EFCAB13: variants seen among roughly 807,000 people sequenced by gnomAD.
EFCAB13 encodes EF-hand calcium-binding domain-containing protein 13.
A neutral mutation model predicts 110.2 loss-of-function variants in EFCAB13; 91 were observed. That is an observed-to-expected ratio of 0.83 (90% CI 0.70 to 0.98). The LOEUF is 0.98. Ranked by LOEUF, EFCAB13 falls within the 50% of genes least tolerant of loss-of-function variation. The probability of loss-of-function intolerance (pLI) is 0.00; values close to 1 mark genes in which losing one functional copy is unlikely to be tolerated. For synonymous variants in EFCAB13, 323 were observed against 369.9 expected (o/e 0.87, Z 1.45); for missense variants, 968 against 1,119.4 (o/e 0.86, Z 1.93).
chr17:47,415,623 A>T (rs916804280), intron 23 of EFCAB13, among the ~76,000 whole-genome samples: 8 of 152,162 alleles, frequency 5.3e-5, no homozygotes, highest in Non-Finnish European at 1.0e-4. Flanking sequence ...TTGTGGATCT[A>T]TGAATTAAAT....
intron 14 of EFCAB13, among the ~76,000 whole-genome samples, chr17:47,381,702 G>A (rs1337441879): frequency 1.3e-5 from 2 of 152,038 alleles, no homozygotes; most frequent in Non-Finnish European, 2.9e-5. Context: ...TCTGTTCCAT[G>A]GGTCTATATA....
At chr17:47,390,801 T>G (rs1315795389) in intron 14 of EFCAB13, among the ~76,000 whole-genome samples, 1 of 152,146 alleles carries the variant, frequency 6.6e-6, no homozygotes, top group East Asian at 1.9e-4. Context: ...TATATAATAT[T>G]TTGTTCCTAT....
chr17:47,340,387 G>A (rs573096931), intron 5 of EFCAB13, among the ~76,000 whole-genome samples: 2 of 152,028 alleles, frequency 1.3e-5, no homozygotes, highest in Non-Finnish European at 2.9e-5. Context: ...CAGTACTCAG[G>A]AGGCTGAGGT....
intron 21 of EFCAB13, among the ~76,000 whole-genome samples, chr17:47,410,546 G>A (rs559343620): frequency 1.3e-5 from 2 of 152,174 alleles, no homozygotes; most frequent in Admixed American, 1.3e-4. Flanking sequence ...ACTTGTTCCC[G>A]TGCCAACTCA....
intron 9 of EFCAB13, among the ~76,000 whole-genome samples, chr17:47,352,398 C>T (rs1216763976): frequency 3.3e-5 from 5 of 152,026 alleles, no homozygotes; most frequent in African/African-American, 9.7e-5. Flanking sequence ...GATCAGGTGG[C>T]TATAGATATG....
At chr17:47,404,694 C>T (rs2065796688) in intron 20 of EFCAB13, 61 bp downstream of exon 20, 1 of 1,274,316 alleles carries the variant, frequency 7.8e-7, no homozygotes, top group African/African-American at 1.5e-5. Flanking sequence ...CAAAGTTCAC[C>T]TAGTAAAACC....
At chr17:47,368,195 GT>G (rs2065559801) in intron 10 of EFCAB13, among the ~76,000 whole-genome samples, 1 of 152,202 alleles carries the variant, frequency 6.6e-6, no homozygotes, top group Non-Finnish European at 1.5e-5. Flanking sequence ...CCTGCCATGA[GT>G]TTTGATGGGC....
intron 22 of EFCAB13, among the ~76,000 whole-genome samples, chr17:47,413,310 A>G (rs12051709): frequency 0.023 from 3,444 of 152,254 alleles, 110 homozygotes; most frequent in East Asian, 0.18. Context: ...AGGGCTCACT[A>G]CATTTAAAAA....
chr17:47,423,698 GGGGCGCCGGGACCCGC>G (rs1904810931), intron 23 of EFCAB13, among the ~76,000 whole-genome samples: 1 of 151,762 alleles, frequency 6.6e-6, no homozygotes, highest in South Asian at 2.1e-4. Context: ...CCCGGCGGTT[GGGGCGCCGGGACCCGC>G]GGGCGCCGGC....
At chr17:47,384,229 C>T (rs1330137940) in intron 14 of EFCAB13, among the ~76,000 whole-genome samples, 2 of 142,756 alleles carry the variant, frequency 1.4e-5, no homozygotes, top group African/African-American at 2.6e-5. Context: ...CTATGTGTGT[C>T]TTTGCATGTG....
chr17:47,329,218 G>T (rs555289816), intron 4 of EFCAB13, among the ~76,000 whole-genome samples: 1 of 151,916 alleles, frequency 6.6e-6, no homozygotes, highest in African/African-American at 2.4e-5. Flanking sequence ...TAAACAAGGG[G>T]GGCATTCCAG....
chr17:47,393,513 A>G (rs900303675), intron 15 of EFCAB13, among the ~76,000 whole-genome samples: 23 of 152,136 alleles, frequency 1.5e-4, no homozygotes, highest in African/African-American at 4.8e-4. Flanking sequence ...AAATTGTGGT[A>G]TACACCATTG....
At chr17:47,344,436 C>T in intron 7 of EFCAB13, 144 bp downstream of exon 7, 1 of 1,049,012 alleles carries the variant, frequency 9.5e-7, no homozygotes, top group Non-Finnish European at 1.3e-6. Context: ...GATAAGAGCA[C>T]TGTATATGGA....
intron 9 of EFCAB13, among the ~76,000 whole-genome samples, chr17:47,360,096 G>A (rs1332057023): frequency 1.1e-4 from 17 of 152,088 alleles, no homozygotes; most frequent in Non-Finnish European, 2.2e-4. Flanking sequence ...ACATGTGCAT[G>A]TGTCTTTATA....
chr17:47,397,570 C>T (rs1459766109), intron 17 of EFCAB13, among the ~76,000 whole-genome samples: 2 of 150,566 alleles, frequency 1.3e-5, no homozygotes, highest in Non-Finnish European at 3.0e-5. Flanking sequence ...AAGTGAGGAG[C>T]GCCTCTTCCC....
At chr17:47,375,090 T>A in intron 12 of EFCAB13, 124 bp downstream of exon 12, 1 of 1,104,788 alleles carries the variant, frequency 9.1e-7, no homozygotes, top group Non-Finnish European at 1.2e-6. Context: ...CTTCTTTTTT[T>A]TTTAATTTTT....
intron 3 of EFCAB13, among the ~76,000 whole-genome samples, chr17:47,327,424 A>G (rs1204058180): frequency 6.6e-6 from 1 of 151,258 alleles, no homozygotes; most frequent in Admixed American, 6.6e-5. Flanking sequence ...TGGCCTCTCA[A>G]AGTGCTGGGA....
chr17:47,353,145 CTTGTT>C (rs1236425542), intron 9 of EFCAB13, among the ~76,000 whole-genome samples: 2 of 151,834 alleles, frequency 1.3e-5, no homozygotes, highest in African/African-American at 4.8e-5. Flanking sequence ...AGTAGGCATC[CTTGTT>C]TTGTTTTGGT....
intron 24 of EFCAB13, among the ~76,000 whole-genome samples, chr17:47,434,676 G>A (rs1360632433): frequency 6.6e-6 from 1 of 152,096 alleles, no homozygotes; most frequent in Non-Finnish European, 1.5e-5. Context: ...AAACAGCATG[G>A]TACTGTTATA....
Sources: gnomAD v4.1 joint callset for allele counts (sites outside exome capture counted in the v4.1 genomes callset) on GRCh38, gnomAD v4.1.1 for gene constraint, MANE v1.5 for transcripts, NCBI Gene and HGNC (gene_info 2026-07-23, HGNC 2026-07-21) for gene names.